The following C1GALT1 variants were observed in gnomAD, a reference collection of about 807,000 sequenced individuals.
The protein encoded by C1GALT1 is core 1 synthase, glycoprotein-N-acetylgalactosamine 3-beta-galactosyltransferase 1, also known as glycoprotein-N-acetylgalactosamine 3-beta-galactosyltransferase 1.
Under a neutral mutation model 31.0 loss-of-function variants are expected in C1GALT1, and 11 were observed. That is an observed-to-expected ratio of 0.36 (90% CI 0.22 to 0.59). The LOEUF (loss-of-function observed/expected upper bound fraction) is 0.59. Among genes scored for constraint, C1GALT1 ranks in the 20% least tolerant of loss-of-function variants. C1GALT1 has a pLI of 0.79. For synonymous variants in C1GALT1, 175 were observed against 143.6 expected (o/e 1.22, Z -1.56); for missense variants, 424 against 425.2 (o/e 1.00, Z 0.03).
intron 1 of C1GALT1, among the ~76,000 whole-genome samples, chr7:7,227,695 G>C (rs1055297839): frequency 1.4e-5 from 2 of 146,452 alleles, no homozygotes; most frequent in African/African-American, 5.2e-5. Flanking sequence ...ACTCCAGCCT[G>C]GGCAACAGAG....
chr7:7,190,176 G>A (rs371237002), intron 1 of C1GALT1, among the ~76,000 whole-genome samples: 7 of 152,244 alleles, frequency 4.6e-5, no homozygotes, highest in Admixed American at 1.3e-4. Context: ...TAGGATTTTG[G>A]AGAATGGTGG....
At chr7:7,191,261 TATTTC>T (rs1781058679) in intron 1 of C1GALT1, among the ~76,000 whole-genome samples, 1 of 152,204 alleles carries the variant, frequency 6.6e-6, no homozygotes, top group Non-Finnish European at 1.5e-5. Context: ...GTGATTGGCT[TATTTC>T]ATTTAGCAAA....
chr7:7,177,430 T>C (rs1487143909), intron 2 of C1GALT1, among the ~76,000 whole-genome samples: 1 of 152,160 alleles, frequency 6.6e-6, no homozygotes, highest in African/African-American at 2.4e-5. Context: ...ACTCATAAAC[T>C]CAAATAACCG....
chr7:7,173,449 T>TA (rs1780474669), intron 2 of C1GALT1, among the ~76,000 whole-genome samples: 1 of 152,164 alleles, frequency 6.6e-6, no homozygotes, highest in African/African-American at 2.4e-5. Context: ...TATTTCTCTA[T>TA]AGCAATGCAA....
intron 1 of C1GALT1, among the ~76,000 whole-genome samples, chr7:7,211,825 A>G (rs1194034163): frequency 6.6e-6 from 1 of 152,194 alleles, no homozygotes; most frequent in East Asian, 1.9e-4. Context: ...CTTTCTTCCA[A>G]GCTGCAGAAG....
At chr7:7,202,556 C>T (rs1160421024) in intron 1 of C1GALT1, among the ~76,000 whole-genome samples, 1 of 152,114 alleles carries the variant, frequency 6.6e-6, no homozygotes, top group Non-Finnish European at 1.5e-5. Flanking sequence ...TTTTTTTCCT[C>T]TGAATTCTTT....
chr7:7,203,815 G>A (rs7788032), intron 1 of C1GALT1, among the ~76,000 whole-genome samples: 105,906 of 152,004 alleles, frequency 0.7, 37,632 homozygotes, highest in East Asian at 0.94. Flanking sequence ...TCTTTGTGTT[G>A]GGAACATTCA....
intron 1 of C1GALT1, among the ~76,000 whole-genome samples, chr7:7,201,653 G>T (rs1431451242): frequency 6.6e-6 from 1 of 152,194 alleles, no homozygotes; most frequent in Non-Finnish European, 1.5e-5. Context: ...AGCCCGAAAG[G>T]CCAGTGCCAC....
intron 1 of C1GALT1, chr7:7,183,666 C>T: frequency 4.5e-6 from 4 of 891,100 alleles, no homozygotes; most frequent in Non-Finnish European, 5.4e-6. Context: ...TCCTTACCGT[C>T]TCCCCACCCC....
intron 2 of C1GALT1, among the ~76,000 whole-genome samples, chr7:7,162,548 C>T (rs895782423): frequency 5.3e-4 from 81 of 151,924 alleles, no homozygotes; most frequent in African/African-American, 1.5e-3. Context: ...CAAGTCTTTG[C>T]TATTGTGAAT....
chr7:7,212,619 G>C (rs1056471001), intron 1 of C1GALT1, among the ~76,000 whole-genome samples: 33 of 152,276 alleles, frequency 2.2e-4, no homozygotes, highest in African/African-American at 7.7e-4. Context: ...GGCTGAGTCA[G>C]AGAAAGGAGT....
chr7:7,205,529 A>G (rs1452706382), intron 1 of C1GALT1, among the ~76,000 whole-genome samples: 1 of 152,150 alleles, frequency 6.6e-6, no homozygotes, highest in East Asian at 1.9e-4. Context: ...ATTGGTCTTG[A>G]TGTCTTCTGG....
At chr7:7,183,587 G>C in intron 1 of C1GALT1, 2 of 984,908 alleles carry the variant, frequency 2.0e-6, no homozygotes, top group Non-Finnish European at 2.4e-6. Context: ...CATTTGCTTT[G>C]AATTTGGGTA....
At chr7:7,163,522 A>C (rs1780360514) in intron 2 of C1GALT1, among the ~76,000 whole-genome samples, 1 of 152,172 alleles carries the variant, frequency 6.6e-6, no homozygotes. Flanking sequence ...GGGGAAGTCA[A>C]ATTGTTCCTG....
In C1GALT1 at chr7:7,238,883, G is replaced by A. The variant is rs201985849; in HGVS notation, c.849G>A (p.Thr283=). The A allele has an allele frequency of 1.3e-4, 217 of 1,613,054 alleles. No homozygotes were observed. Among genetic ancestry groups the A allele is most frequent in the Non-Finnish European group, 1.7e-4 (204 of 1,179,598 alleles). ...HHLIKGYLPR[T]FWYWNYNYYP... ...TAATTAAAGGTTATCTACCTAGAAC[G>A]TTTTGGTACTGGAATTACAACTATT... Residue 283 remains threonine (T), a synonymous_variant, in exon 3 of 4, where the codon ACG becomes ACA. Transcript: ENST00000436587. This position sits in a 1 kb window ranked among gnomAD's most constrained non-coding sequence, Gnocchi z 5.2.
chr7:7,197,833 GCT>G lies in C1GALT1; in HGVS notation c.-18+15018_-18+15019del, dbSNP rs1284570240. On this transcript the variant is annotated intron_variant, in intron 1 of 3. Transcript: ENST00000436587. ...TGAATGGGAGTTCACTCATGATTTG[GCT>G]CTCTGTCTGTTATTGGTGTATAGGA... Among the ~76,000 whole-genome samples, 4 of 151,944 alleles carry G rather than the reference GCT, an allele frequency of 2.6e-5. No homozygotes were observed. In the South Asian group the frequency reaches 6.2e-4, roughly 24 times the overall value.
intron 1 of C1GALT1, chr7:7,183,462 TGG>T: frequency 3.1e-6 from 1 of 317,706 alleles, no homozygotes; most frequent in Non-Finnish European, 4.5e-6. Context: ...ACGTGTGTGT[TGG>T]GGCATTCGGG....
rs528622827 is a variant in C1GALT1, at chr7:7,238,935, A to T, written c.888+13A>T. ...TCCTCCTGTAGAGGTAAGTTTAGAA[A>T]TTTTATTACTATGTCAATACTTGGA... On this transcript the variant is annotated intron_variant, in intron 3 of 3. Transcript: ENST00000436587. The surrounding 1 kb of genome is among the most constrained non-coding windows in gnomAD (Gnocchi z 5.2). 133 of 1,580,824 alleles carry T rather than the reference A, an allele frequency of 8.4e-5. 1 individual carries two copies. The South Asian group carries it at 1.5e-3, about 17-fold the overall frequency.
chr7:7,176,880 G>A (rs150847241), intron 2 of C1GALT1, among the ~76,000 whole-genome samples: 1 of 152,298 alleles, frequency 6.6e-6, no homozygotes, highest in East Asian at 1.9e-4. Context: ...AATAGGAGAC[G>A]AGAAGCTCTG....
Sources: allele counts gnomAD v4.1 joint callset (sites outside exome capture counted in the v4.1 genomes callset), GRCh38; gene constraint gnomAD v4.1.1; non-coding constraint Gnocchi (gnomAD v3.1); transcripts MANE v1.5; gene names NCBI Gene and HGNC (gene_info 2026-07-23, HGNC 2026-07-21).